The following PIGC variants were observed in gnomAD, a reference collection of about 807,000 sequenced individuals.
PIGC encodes phosphatidylinositol glycan anchor biosynthesis class C.
A neutral mutation model predicts 20.9 loss-of-function variants in PIGC; 14 were observed. The observed-to-expected ratio is 0.67, with a 90% confidence interval of 0.44 to 1.05. PIGC has a LOEUF of 1.05. PIGC is among the 50% of genes least tolerant of loss of function. The probability of loss-of-function intolerance (pLI) is 0.00; values close to 1 mark genes in which losing one functional copy is unlikely to be tolerated. For missense variants in PIGC, 310 were observed against 360.9 expected (o/e 0.86, Z 1.14); for synonymous variants, 132 against 141.4 (o/e 0.93, Z 0.47).
In PIGC at chr1:172,441,940, T is replaced by C. The variant is rs535039814; in HGVS notation, c.683A>G (p.Tyr228Cys). Residue 228 changes from tyrosine (Y) to cysteine (C), a missense_variant, in exon 2 of 2, where the codon TAT (tyrosine) becomes TGT (cysteine). Coordinates refer to ENST00000344529, the MANE Select transcript of PIGC (RefSeq NM_153747.2). ...KKLKACTPRSYVGVTLLFAFS... is the reference protein window; with the variant it reads ...KKLKACTPRSCVGVTLLFAFS... Reference sequence around the variant, plus strand: ...TGCAAAAAGCAGTGTGACCCCCACATAGCTCCGGGGAGTACATGCCTTTAG... The same window carrying C: ...TGCAAAAAGCAGTGTGACCCCCACACAGCTCCGGGGAGTACATGCCTTTAG... 15 of 1,614,152 alleles carry C rather than the reference T, an allele frequency of 9.3e-6. No homozygotes were observed. The South Asian group carries it at 1.4e-4, about 15-fold the overall frequency.
Position 172,441,768 on chromosome 1 carries a change from T to C in PIGC, c.855A>G (p.Glu285=). ...FKENIHGPWD[E]AEIKEDLSRF... is the part of the protein sequence containing the mutation. Reference sequence around the variant, plus strand: ...TGGACAAGTCTTCCTTGATTTCAGCTTCATCCCAAGGCCCATGAATGTTTT... The same window carrying C: ...TGGACAAGTCTTCCTTGATTTCAGCCTCATCCCAAGGCCCATGAATGTTTT... The change falls in exon 2 of 2, where the codon GAA becomes GAG. Residue 285 remains glutamate (E), a synonymous_variant. Coordinates refer to ENST00000344529, the MANE Select transcript of PIGC (RefSeq NM_153747.2). 1.9e-6 allele frequency: 3 copies of C among 1,576,420 alleles called. No individual in the cohort carries two copies. Among genetic ancestry groups the C allele is most frequent in the Non-Finnish European group, 2.6e-6 (3 of 1,162,498 alleles).
In PIGC at chr1:172,441,821, A is replaced by G. The variant is rs528611050; in HGVS notation, c.802T>C (p.Tyr268His). 82 of 1,613,712 alleles carry G rather than the reference A, an allele frequency of 5.1e-5. No homozygotes were observed. The highest frequency in any genetic ancestry group is 6.9e-5 in the Non-Finnish European group (81 of 1,179,788). The change falls in exon 2 of 2, where the codon TAC becomes CAC. Residue 268 changes from tyrosine (Y) to histidine (H), a missense_variant. Tyr to His is a moderately conservative substitution (Grantham distance 83). Coordinates refer to ENST00000344529, the MANE Select transcript of PIGC (RefSeq NM_153747.2). ...TTAAAAAGCTGCAAGCGAATGAGGT[A>G]GAATGGACACAGACATGAGATAGAC... ...LMSISCLCPF[Y>H]LIRLQLFKEN...
chr1:172,442,880 T>G (rs767045820), intron 1 of PIGC, 50 bp from the exon 2 acceptor site: 2 of 423,538 alleles, frequency 4.7e-6, no homozygotes, highest in African/African-American at 2.0e-5. Context: ...AGGTCAAGAG[T>G]AGTACTGAGA....
At chr1:172,443,961 ACT>A in intron 1 of PIGC, 25 bp downstream of exon 1, 1 of 999,900 alleles carries the variant, frequency 1.0e-6, no homozygotes, top group South Asian at 4.7e-5. Flanking sequence ...CCCCGGAAAC[ACT>A]GACCGTTACA....
Position 172,442,760 on chromosome 1 carries a change from G to C in PIGC, c.-138C>G, listed in dbSNP as rs778351354. ...GTTGATGTTCTACCAACCTTTCCTTGTTTTCAAAGGCAGGGGCTAGGCCTA... is the reference window on the plus strand; with the variant it reads ...GTTGATGTTCTACCAACCTTTCCTTCTTTTCAAAGGCAGGGGCTAGGCCTA... On this transcript the variant is annotated 5_prime_UTR_variant, in exon 2 of 2. Transcript: ENST00000344529. 1.2e-4 allele frequency: 92 copies of C among 751,546 alleles called. No individual in the cohort carries two copies. Among genetic ancestry groups the C allele is most frequent in the Admixed American group, 1.5e-4 (6 of 40,390 alleles). 46.6% of individuals were successfully genotyped at this position (751,546 alleles called of 1,614,324 possible).
chr1:172,442,056 C>T lies in PIGC; in HGVS notation c.567G>A (p.Leu189=), dbSNP rs1647367473. ...GCAGGGACCGGGGAAGACGTGATGCCAAGCATACAGAAGCAAAGATGGCCA... is the reference window on the plus strand; with the variant it reads ...GCAGGGACCGGGGAAGACGTGATGCTAAGCATACAGAAGCAAAGATGGCCA... ...LNMAIFASVC[L]ASRLPRSLHA... is the part of the protein sequence containing the mutation. Residue 189 remains leucine, a synonymous_variant, in exon 2 of 2, where the codon TTG becomes TTA. Transcript: ENST00000344529. The T allele has an allele frequency of 6.2e-7, 1 of 1,614,154 alleles. No homozygotes were observed. The highest frequency in any genetic ancestry group is 1.3e-5 in the African/African-American group (1 of 75,030).
At position 172,442,047 on chromosome 1, in the gene PIGC, A is replaced by C; in HGVS notation, c.576T>G (p.Arg192=). The change falls in exon 2 of 2, where the codon CGT becomes CGG. Residue 192 remains arginine, a synonymous_variant. Coordinates refer to ENST00000344529, the MANE Select transcript of PIGC (RefSeq NM_153747.2). ...AIFASVCLAS[R]LPRSLHAFIM... ...TGAAGGCATGCAGGGACCGGGGAAG[A>C]CGTGATGCCAAGCATACAGAAGCAA... 6.2e-7 allele frequency: 1 copy of C among 1,614,248 alleles called. No individual in the cohort carries two copies. Among genetic ancestry groups the C allele is most frequent in the Non-Finnish European group, 8.5e-7 (1 of 1,180,044 alleles).
In PIGC at chr1:172,441,842, T is replaced by G; in HGVS notation, c.781A>C (p.Ile261Leu). 1 of 1,614,060 alleles carries G rather than the reference T, an allele frequency of 6.2e-7. No individual in the cohort carries two copies. Among genetic ancestry groups the G allele is most frequent in the Non-Finnish European group, 8.5e-7 (1 of 1,179,954 alleles). The change falls in exon 2 of 2, where the codon ATC (isoleucine) becomes CTC (leucine). Residue 261 changes from isoleucine (I) to leucine (L), a missense_variant. By Grantham distance (5) the Ile-to-Leu change is conservative. Coordinates refer to ENST00000344529, the MANE Select transcript of PIGC (RefSeq NM_153747.2). ...AVLFALLLMSISCLCPFYLIR... is the reference protein window; with the variant it reads ...AVLFALLLMSLSCLCPFYLIR... ...AGGTAGAATGGACACAGACATGAGA[T>G]AGACATCAGCAGAAGGGCAAAGAGT...
At chr1:172,443,918 T>G in intron 1 of PIGC, 70 bp downstream of exon 1, 1 of 978,508 alleles carries the variant, frequency 1.0e-6, no homozygotes, top group Non-Finnish European at 1.2e-6. Flanking sequence ...TCACTCAGCC[T>G]TGGGTCTGCG....
At position 172,441,603 on chromosome 1, in the gene PIGC, G is replaced by T; in HGVS notation, c.*126C>A. The T allele has an allele frequency of 1.1e-5, 10 of 871,938 alleles. No homozygotes were observed. The highest frequency in any genetic ancestry group is 5.1e-5 in the African/African-American group (3 of 59,358). 54.0% of individuals were successfully genotyped at this position (871,938 alleles called of 1,614,324 possible). A position where few individuals can be genotyped will look rare whatever the true frequency, so the allele number is the denominator to read the frequency against. On this transcript the variant is annotated 3_prime_UTR_variant, in exon 2 of 2. Transcript: ENST00000344529. ...CCAAGCCTTTGGTTCATTTTTTTTG[G>T]TTTTGATCTCTATTCTCTTACCACA...
Position 172,442,793 on chromosome 1 carries a change from T to A in PIGC, c.-171A>T. 1.7e-6 allele frequency: 1 copy of A among 605,026 alleles called. No individual in the cohort carries two copies. Among genetic ancestry groups the A allele is most frequent in the Non-Finnish European group, 3.0e-6 (1 of 335,392 alleles). The allele number at this position is 605,026 out of a possible 1,614,324, so 37.5% of individuals were successfully genotyped here. ...AGGCAGGGGCTAGGCCTACAATAGA[T>A]GAATTTGTCTCTGAGGCAGGACAAC... On this transcript the variant is annotated 5_prime_UTR_variant, in exon 2 of 2. Coordinates refer to ENST00000344529, the MANE Select transcript of PIGC (RefSeq NM_153747.2).
rs762655353 is a variant in PIGC at position 172,442,420 on chromosome 1, A to T, written c.203T>A (p.Phe68Tyr). The change falls in exon 2 of 2, where the codon TTT becomes TAT. Residue 68 changes from phenylalanine (F) to tyrosine (Y), a missense_variant. By Grantham distance (22) the Phe-to-Tyr change is conservative. Transcript: ENST00000344529. ...ATCCATATACCACCAGATAACCACA[A>T]AAACACAAACACTGCACAGCTGCTG... is the stretch of plus-strand genomic sequence containing the variant. ...VIQQLCSVCV[F>Y]VVIWWYMDEG... 6.2e-7 allele frequency: 1 copy of T among 1,614,152 alleles called. No individual in the cohort carries two copies. Among genetic ancestry groups the T allele is most frequent in the Middle Eastern group, 1.7e-4 (1 of 6,040 alleles).
chr1:172,443,999 T>C lies in PIGC; in HGVS notation c.-220A>G. 2.0e-6 allele frequency: 2 copies of C among 1,000,278 alleles called. No homozygotes were observed. Among genetic ancestry groups the C allele is most frequent in the Non-Finnish European group, 2.4e-6 (2 of 830,146 alleles). 62.0% of individuals were successfully genotyped at this position (1,000,278 alleles called of 1,614,324 possible). A position where few individuals can be genotyped will look rare whatever the true frequency, so the allele number is the denominator to read the frequency against. On this transcript the variant is annotated 5_prime_UTR_variant, in exon 1 of 2. Transcript: ENST00000344529. ...CGGAACCCACCTACCCGAGAGTTCC[T>C]AGGGTTGCGCAGCTGGGGGACGGCG... is the stretch of plus-strand genomic sequence containing the variant.
chr1:172,442,569 C>A lies in PIGC; in HGVS notation c.54G>T (p.Leu18Phe). Residue 18 changes from leucine to phenylalanine, a missense_variant, in exon 2 of 2, where the codon TTG becomes TTT. Transcript: ENST00000344529. ...TATCAGGAAAGGGCTGTCGCTCATA[C>A]AAGACCTTCTGCCACTTGACCTCCT... ...NTKEVKWQKV[L>F]YERQPFPDNY... The A allele has an allele frequency of 1.2e-6, 2 of 1,614,092 alleles. No individual in the cohort carries two copies. Among genetic ancestry groups the A allele is most frequent in the Non-Finnish European group, 1.7e-6 (2 of 1,179,936 alleles).
At position 172,442,540 on chromosome 1, in the gene PIGC, T is replaced by G. The variant is rs750452407; in HGVS notation, c.83A>C (p.Tyr28Ser). ...CTCTTCCAGGAATCGCCGGTCCACA[T>G]AGTTATCAGGAAAGGGCTGTCGCTC... ...LYERQPFPDN[Y>S]VDRRFLEELR... is the part of the protein sequence containing the mutation. The change falls in exon 2 of 2, where the codon TAT becomes TCT. Residue 28 changes from tyrosine (Y) to serine (S), a missense_variant. By Grantham distance (144) the Tyr-to-Ser change is moderately radical. Coordinates refer to ENST00000344529, the MANE Select transcript of PIGC (RefSeq NM_153747.2). 1.4e-5 allele frequency: 23 copies of G among 1,614,048 alleles called. No homozygotes were observed. The highest frequency in any genetic ancestry group is 1.9e-5 in the Non-Finnish European group (23 of 1,180,018).
In PIGC at chr1:172,442,381, G is replaced by C. The variant is rs776080992; in HGVS notation, c.242C>G (p.Ala81Gly). ...ACCAGTCCCTAAAAGCCAATGGGGG[G>C]CCAGAAGACCCTCATCCATATACCA... ...IWWYMDEGLL[A>G]PHWLLGTGLA... The change falls in exon 2 of 2, where the codon GCC (alanine) becomes GGC (glycine). Residue 81 changes from alanine (A) to glycine (G), a missense_variant. Coordinates refer to ENST00000344529, the MANE Select transcript of PIGC (RefSeq NM_153747.2). 1 of 1,613,350 alleles carries C rather than the reference G, an allele frequency of 6.2e-7. No homozygotes were observed.
Position 172,441,764 on chromosome 1 carries a change from C to A in PIGC, c.859G>T (p.Glu287Ter), listed in dbSNP as rs770671752. ...AACCTGGACAAGTCTTCCTTGATTT[C>A]AGCTTCATCCCAAGGCCCATGAATG... The part of the protein sequence containing the change: ...ENIHGPWDEA[E>*]IKEDLSRFLS The change falls in exon 2 of 2, where the codon GAA (glutamate) becomes TAA (stop). Residue 287 changes from glutamate (E) to a stop codon, truncating the protein, a stop_gained. Transcript: ENST00000344529. LOFTEE classifies it high-confidence loss of function. The A allele has an allele frequency of 1.3e-6, 2 of 1,569,572 alleles. No individual in the cohort carries two copies. The highest frequency in any genetic ancestry group is 1.7e-6 in the Non-Finnish European group (2 of 1,159,760).
Position 172,441,808 on chromosome 1 carries a change from A to G in PIGC, c.815T>C (p.Leu272Ser), listed in dbSNP as rs567827901. 13 of 1,611,952 alleles carry G rather than the reference A, an allele frequency of 8.1e-6. No individual in the cohort carries two copies. The African/African-American group carries it at 1.2e-4, about 15-fold the overall frequency. ...SCLCPFYLIR[L>S]QLFKENIHGP... ...ATGAATGTTTTCTTTAAAAAGCTGC[A>G]AGCGAATGAGGTAGAATGGACACAG... The change falls in exon 2 of 2, where the codon TTG becomes TCG. Residue 272 changes from leucine to serine, a missense_variant. Physicochemically the swap from Leu to Ser is moderately radical, Grantham distance 145. Coordinates refer to ENST00000344529, the MANE Select transcript of PIGC (RefSeq NM_153747.2).
intron 1 of PIGC, 142 bp from the exon 2 acceptor site, chr1:172,442,972 T>C (rs373178333): frequency 4.8e-6 from 1 of 206,848 alleles, no homozygotes; most frequent in South Asian, 1.3e-4. Context: ...AAACTGCATT[T>C]CAGATTTGAA....
Sources: allele counts gnomAD v4.1 joint callset, GRCh38; gene constraint gnomAD v4.1.1; transcripts MANE v1.5; gene names NCBI Gene and HGNC (gene_info 2026-07-23, HGNC 2026-07-21).